The following PAG1 variants were observed in gnomAD, a reference collection of about 807,000 sequenced individuals.
PAG1 encodes phosphoprotein membrane anchor with glycosphingolipid microdomains 1.
A neutral mutation model predicts 31.7 loss-of-function variants in PAG1; 23 were observed. That is an observed-to-expected ratio of 0.73 (90% CI 0.52 to 1.03). The LOEUF is 1.03. PAG1 is among the 50% of genes least tolerant of loss of function. The probability of loss-of-function intolerance (pLI) is 0.00; values close to 1 mark genes in which losing one functional copy is unlikely to be tolerated. For synonymous variants in PAG1, 214 were observed against 210.3 expected (o/e 1.02, Z -0.15); for missense variants, 473 against 540.7 (o/e 0.87, Z 1.24).
At chr8:81,063,447 C>A (rs915346315) in intron 2 of PAG1, among the ~76,000 whole-genome samples, 2 of 152,196 alleles carry the variant, frequency 1.3e-5, no homozygotes, top group African/African-American at 4.8e-5. Context: ...ACCTGCAAGA[C>A]ACAAAGACCC....
At chr8:81,050,888 C>T (rs1021764842) in intron 2 of PAG1, among the ~76,000 whole-genome samples, 6 of 152,202 alleles carry the variant, frequency 3.9e-5, no homozygotes, top group African/African-American at 1.2e-4. Context: ...CTGCCTTCAG[C>T]CTCCCAGAAT....
At chr8:81,110,254 G>A (rs1344236407) in intron 1 of PAG1, among the ~76,000 whole-genome samples, 1 of 152,112 alleles carries the variant, frequency 6.6e-6, no homozygotes, top group Non-Finnish European at 1.5e-5. Flanking sequence ...TATATATTTA[G>A]CAGGAAAGTC....
At chr8:81,059,911 G>T (rs1020046056) in intron 2 of PAG1, among the ~76,000 whole-genome samples, 15 of 151,936 alleles carry the variant, frequency 9.9e-5, no homozygotes, top group South Asian at 2.1e-4. Context: ...AGCTACTTGT[G>T]GGGGGCTGAG....
At chr8:81,029,469 C>T (rs995354773) in intron 3 of PAG1, among the ~76,000 whole-genome samples, 2 of 151,996 alleles carry the variant, frequency 1.3e-5, no homozygotes, top group Non-Finnish European at 2.9e-5. Context: ...CAATGAAAGG[C>T]TTACTAAAGG....
Position 80,976,597 on chromosome 8 carries a change from C to T in PAG1, c.1246G>A (p.Asp416Asn), listed in dbSNP as rs757256493. 84 of 1,613,878 alleles carry T rather than the reference C, an allele frequency of 5.2e-5. No individual in the cohort carries two copies. The highest frequency in any genetic ancestry group is 1.7e-4 in the Middle Eastern group (1 of 6,048). Residue 416 changes from aspartate (D) to asparagine (N), a missense_variant, in exon 9 of 9, where the codon GAC (aspartate) becomes AAC (asparagine). Transcript: ENST00000220597. ...GHHGLVPKENDYESISDLQQG... is the reference protein window; with the variant it reads ...GHHGLVPKENNYESISDLQQG... ...TGCAAGTCACTTATGCTCTCGTAGT[C>T]GTTCTCCTTTGGGACGAGACCGTGG... is the stretch of plus-strand genomic sequence containing the variant.
chr8:81,010,374 A>G (rs944567717), intron 3 of PAG1, among the ~76,000 whole-genome samples: 9 of 152,222 alleles, frequency 5.9e-5, no homozygotes, highest in African/African-American at 2.2e-4. Context: ...CTTGTTTGCT[A>G]CATTATTTCT....
chr8:81,065,795 AT>A (rs931534143), intron 2 of PAG1, among the ~76,000 whole-genome samples: 1 of 150,632 alleles, frequency 6.6e-6, no homozygotes, highest in African/African-American at 2.5e-5. Context: ...TTATATATAT[AT>A]GTATATATAT....
chr8:81,056,013 A>G (rs1441067434), intron 2 of PAG1, among the ~76,000 whole-genome samples: 1 of 152,118 alleles, frequency 6.6e-6, no homozygotes, highest in Non-Finnish European at 1.5e-5. Context: ...GAGTGGTGAG[A>G]GAGGGCATCC....
At chr8:81,054,877 T>C (rs926102208) in intron 2 of PAG1, among the ~76,000 whole-genome samples, 2 of 151,946 alleles carry the variant, frequency 1.3e-5, no homozygotes, top group Non-Finnish European at 2.9e-5. Flanking sequence ...TACCTACATT[T>C]CAAAAGCTCA....
rs551550083 is a variant in PAG1 at position 80,972,671 on chromosome 8, T to C, written c.*3873A>G. 23 of 152,278 alleles carry C rather than the reference T, an allele frequency of 1.5e-4. 1 individual carries two copies. 9.4% of individuals were successfully genotyped at this position (152,278 alleles called of 1,614,324 possible). On this transcript the variant is annotated 3_prime_UTR_variant, in exon 9 of 9. Transcript: ENST00000220597. ...GTAAGTCACATGTATAACAAAACTG[T>C]CTTAAAATACCACTGTTTTTCAGCC...
chr8:81,015,942 C>G (rs574086663), intron 3 of PAG1, among the ~76,000 whole-genome samples: 5 of 152,250 alleles, frequency 3.3e-5, no homozygotes, highest in South Asian at 4.2e-4. Context: ...TGAACCCAGC[C>G]CACATGCTTT....
intron 1 of PAG1, among the ~76,000 whole-genome samples, chr8:81,083,103 G>A (rs1489289995): frequency 6.6e-6 from 1 of 152,010 alleles, no homozygotes. Context: ...TATTATTGCT[G>A]GTTCATCCTG....
chr8:81,100,550 T>C (rs1321043793), intron 1 of PAG1, among the ~76,000 whole-genome samples: 1 of 152,194 alleles, frequency 6.6e-6, no homozygotes, highest in Non-Finnish European at 1.5e-5. Flanking sequence ...CAACCAAAAA[T>C]GTCTTCAGAC....
chr8:81,094,111 T>C (rs905109043), intron 1 of PAG1, among the ~76,000 whole-genome samples: 6 of 152,164 alleles, frequency 3.9e-5, no homozygotes, highest in South Asian at 4.1e-4. Flanking sequence ...GGGGCCACCA[T>C]AGGAAAATGT....
chr8:81,106,384 T>G (rs931856910), intron 1 of PAG1, among the ~76,000 whole-genome samples: 5 of 152,120 alleles, frequency 3.3e-5, no homozygotes, highest in African/African-American at 1.2e-4. Flanking sequence ...TTCCGTATTT[T>G]TTTTTTTACT....
chr8:81,035,760 T>C (rs1405549261), intron 2 of PAG1, among the ~76,000 whole-genome samples: 1 of 152,074 alleles, frequency 6.6e-6, no homozygotes, highest in Non-Finnish European at 1.5e-5. Context: ...GAAGAAGCAC[T>C]TCATCAGTGA....
Position 80,993,122 on chromosome 8 carries a change from G to A in PAG1, c.106C>T (p.Leu36=), listed in dbSNP as rs761532226. 6.2e-7 allele frequency: 1 copy of A among 1,613,762 alleles called. No individual in the cohort carries two copies. The highest frequency in any genetic ancestry group is 8.5e-7 in the Non-Finnish European group (1 of 1,179,848). The change falls in exon 4 of 9, where the codon CTG becomes TTG. Residue 36 remains leucine (L), a synonymous_variant. Transcript: ENST00000220597. ...IFFVITFLIF[L]CSSCDREKKP... The stretch of plus-strand genomic sequence containing the variant: ...TCTCACCTGTCACAACTAGAGCACA[G>A]GAAGATGAGGAAGGTGATGACGAAG...
chr8:80,996,340 T>C (rs1807672661), intron 3 of PAG1, among the ~76,000 whole-genome samples: 3 of 152,206 alleles, frequency 2.0e-5, no homozygotes, highest in Admixed American at 1.3e-4. Flanking sequence ...ACTAACATAA[T>C]CTTTGATCCT....
intron 3 of PAG1, among the ~76,000 whole-genome samples, chr8:81,015,026 G>C (rs1808049322): frequency 6.6e-6 from 1 of 152,136 alleles, no homozygotes. Context: ...ATGCACATTT[G>C]CCATATTTCT....
Sources: gnomAD v4.1 joint callset for allele counts (sites outside exome capture counted in the v4.1 genomes callset) on GRCh38, gnomAD v4.1.1 for gene constraint, MANE v1.5 for transcripts, NCBI Gene and HGNC (gene_info 2026-07-23, HGNC 2026-07-21) for gene names.